KDM5A: variants seen among roughly 807,000 people sequenced by gnomAD.
KDM5A encodes lysine demethylase 5A.
A neutral mutation model predicts 193.5 loss-of-function variants in KDM5A; 42 were observed. That is an observed-to-expected ratio of 0.22 (90% CI 0.17 to 0.28). The LOEUF (loss-of-function observed/expected upper bound fraction) is 0.28. Ranked by LOEUF, KDM5A falls within the 10% of genes least tolerant of loss-of-function variation. The pLI, the probability that KDM5A is intolerant of heterozygous loss-of-function variation, is 1.00. For missense variants in KDM5A, 1,692 were observed against 2,055.1 expected (o/e 0.82, Z 3.42); for synonymous variants, 796 against 718.1 (o/e 1.11, Z -1.73).
intron 16 of KDM5A, 34 bp from the exon 17 acceptor site, chr12:322,601 AACCATAG>A: frequency 6.3e-7 from 1 of 1,583,938 alleles, no homozygotes; most frequent in Non-Finnish European, 8.6e-7. Flanking sequence ...CATATACAAT[AACCATAG>A]ACACAAAAAG....
intron 14 of KDM5A, 115 bp downstream of exon 14, chr12:328,720 C>T: frequency 1.2e-6 from 1 of 860,380 alleles, no homozygotes; most frequent in Non-Finnish European, 1.9e-6. Context: ...TTCTCCAAAT[C>T]AGTGATCTTT....
intron 14 of KDM5A, among the ~76,000 whole-genome samples, chr12:327,604 T>A (rs1943807750): frequency 6.6e-6 from 1 of 151,992 alleles, no homozygotes; most frequent in East Asian, 1.9e-4. Flanking sequence ...AGCTACTTGG[T>A]AGGCTAAGGC....
chr12:328,805 A>C, intron 14 of KDM5A, 30 bp downstream of exon 14: 1 of 1,606,662 alleles, frequency 6.2e-7, no homozygotes, highest in South Asian at 1.1e-5. Context: ...AAGCAGTATC[A>C]AACATAGAAA....
chr12:297,066 A>G lies in KDM5A; in HGVS notation c.4209T>C (p.Ser1403=). ...CTTGAGAACAACTCTTAGAAGCAGA[A>G]GAATAAGCATGCTCTGCACAAAATG... The part of the protein sequence containing the change: ...APSFCAEHAY[S]SASKSCSQGS... Residue 1403 remains serine, a synonymous_variant, in exon 25 of 28, where the codon TCT becomes TCC. Coordinates refer to ENST00000399788, the MANE Select transcript of KDM5A (RefSeq NM_001042603.3). The G allele has an allele frequency of 6.2e-7, 1 of 1,614,080 alleles. No individual in the cohort carries two copies.
chr12:355,616 A>G (rs1285343575), intron 6 of KDM5A, among the ~76,000 whole-genome samples: 1 of 152,266 alleles, frequency 6.6e-6, no homozygotes, highest in Non-Finnish European at 1.5e-5. Flanking sequence ...TACTATAATT[A>G]CAAGAGTAAC....
intron 26 of KDM5A, 67 bp downstream of exon 26, chr12:295,506 T>C: frequency 6.9e-7 from 1 of 1,447,376 alleles, no homozygotes; most frequent in Non-Finnish European, 9.7e-7. Context: ...CCAACATTTA[T>C]GATACCTCTA....
intron 19 of KDM5A, among the ~76,000 whole-genome samples, chr12:316,921 G>C (rs192975770): frequency 1.3e-5 from 2 of 152,280 alleles, no homozygotes; most frequent in East Asian, 3.9e-4. Context: ...TGAAGTGGAA[G>C]ATACTTTAAA....
intron 24 of KDM5A, among the ~76,000 whole-genome samples, chr12:298,039 C>A (rs1943395734): frequency 6.6e-6 from 1 of 152,234 alleles, no homozygotes; most frequent in Non-Finnish European, 1.5e-5. Flanking sequence ...AAGGCAGCAG[C>A]CCCAGTCAGG....
At chr12:344,478 G>A (rs1398037613) in intron 10 of KDM5A, among the ~76,000 whole-genome samples, 4 of 152,136 alleles carry the variant, frequency 2.6e-5, no homozygotes, top group Non-Finnish European at 4.4e-5. Flanking sequence ...ATTCACCAAC[G>A]CTGAAATGAA....
intron 24 of KDM5A, among the ~76,000 whole-genome samples, chr12:300,579 G>A (rs1046078218): frequency 6.6e-6 from 1 of 151,820 alleles, no homozygotes; most frequent in Non-Finnish European, 1.5e-5. Context: ...CAAGAGAAAG[G>A]AAAGATCTAA....
chr12:333,474 C>G lies in KDM5A; in HGVS notation c.1653+13G>C. 1 of 1,613,804 alleles carries G rather than the reference C, an allele frequency of 6.2e-7. No individual in the cohort carries two copies. The highest frequency in any genetic ancestry group is 8.5e-7 in the Non-Finnish European group (1 of 1,179,850). Reference sequence around the variant, plus strand: ...ACAAACAAACAACTGAAGGAAGACACCAAAAGACTCACAGGCACACCATGC... The same window carrying G: ...ACAAACAAACAACTGAAGGAAGACAGCAAAAGACTCACAGGCACACCATGC... On this transcript the variant is annotated intron_variant, in intron 12 of 27. Coordinates refer to ENST00000399788, the MANE Select transcript of KDM5A (RefSeq NM_001042603.3).
intron 20 of KDM5A, chr12:311,281 TATTA>T (rs758499098): frequency 3.7e-5 from 21 of 563,804 alleles, no homozygotes; most frequent in Non-Finnish European, 5.9e-5. Flanking sequence ...TGATTTTATT[TATTA>T]ATTGAGAGTA....
intron 27 of KDM5A, among the ~76,000 whole-genome samples, chr12:291,829 C>T (rs867188508): frequency 6.0e-5 from 9 of 150,454 alleles, no homozygotes; most frequent in Middle Eastern, 3.5e-3. Flanking sequence ...ATACTGTCAA[C>T]ATTATATTTA....
intron 10 of KDM5A, among the ~76,000 whole-genome samples, chr12:349,397 C>T (rs1169568598): frequency 7.0e-6 from 1 of 143,792 alleles, no homozygotes; most frequent in Non-Finnish European, 1.5e-5. Flanking sequence ...GTGGCATGAT[C>T]TCAGCTCACT....
At chr12:358,996 T>TA (rs35658441) in intron 5 of KDM5A, among the ~76,000 whole-genome samples, 89,987 of 149,278 alleles carry the variant, frequency 0.6, 29,052 homozygotes, top group Non-Finnish European at 0.73. Context: ...TAATAAAAAA[T>TA]AAAAAAAAAC....
chr12:301,070 C>G (rs770119205), intron 24 of KDM5A, among the ~76,000 whole-genome samples: 1 of 152,152 alleles, frequency 6.6e-6, no homozygotes, highest in South Asian at 2.1e-4. Flanking sequence ...CAGGACCAGA[C>G]AGATTCATAG....
rs749436300 is a variant in KDM5A, at chr12:323,728, C to T, written c.2022G>A (p.Arg674=). 2 of 1,613,944 alleles carry T rather than the reference C, an allele frequency of 1.2e-6. No homozygotes were observed. Among genetic ancestry groups the T allele is most frequent in the Non-Finnish European group, 1.7e-6 (2 of 1,179,840 alleles). The part of the protein sequence containing the change: ...EVFELVPDDE[R]QCSACRTTCF... Reference sequence around the variant, plus strand: ...ATGTGGTTCTGCATGCTGAACACTGCCGCTCATCATCAGGAACAAGTTCAA... The same window carrying T: ...ATGTGGTTCTGCATGCTGAACACTGTCGCTCATCATCAGGAACAAGTTCAA... The change falls in exon 15 of 28, where the codon CGG becomes CGA. Residue 674 remains arginine, a synonymous_variant. Coordinates refer to ENST00000399788, the MANE Select transcript of KDM5A (RefSeq NM_001042603.3).
chr12:315,635 TA>T lies in KDM5A; in HGVS notation c.2898-2442del, dbSNP rs539353057. Among the ~76,000 whole-genome samples, 520 of 142,230 alleles carry T rather than the reference TA, an allele frequency of 3.7e-3. 12 individuals are homozygous for T. In the East Asian group the frequency reaches 0.068, roughly 19 times the overall value. The allele number at this position is 142,230 out of a possible 152,430, so 93.3% of individuals were successfully genotyped here. On this transcript the variant is annotated intron_variant, in intron 19 of 27. Coordinates refer to ENST00000399788, the MANE Select transcript of KDM5A (RefSeq NM_001042603.3). ...TATAACATAAATCCACATGCAGACT[TA>T]AAAAAAAAAAATGAAAGAAAGTGAG... is the stretch of plus-strand genomic sequence containing the variant.
intron 21 of KDM5A, 128 bp from the exon 22 acceptor site, chr12:310,092 T>C (rs1365092696): frequency 1.2e-6 from 1 of 856,614 alleles, no homozygotes; most frequent in Non-Finnish European, 1.8e-6. Flanking sequence ...TTTATACACA[T>C]GATCTAATTC....
Sources: allele counts gnomAD v4.1 joint callset (sites outside exome capture counted in the v4.1 genomes callset), GRCh38; gene constraint gnomAD v4.1.1; transcripts MANE v1.5; gene names NCBI Gene and HGNC (gene_info 2026-07-23, HGNC 2026-07-21).